The following APP variants were observed in gnomAD, a reference collection of about 807,000 sequenced individuals.
The protein encoded by APP is amyloid-beta precursor protein.
In APP, 31 loss-of-function variants were observed where a neutral mutation model predicts 101.4. The ratio of observed to expected loss-of-function variants is 0.31; its 90% CI spans 0.23 to 0.41. The LOEUF (loss-of-function observed/expected upper bound fraction) is 0.41. Ranked by LOEUF, APP falls within the 10% of genes least tolerant of loss-of-function variation. APP has a pLI of 1.00. For synonymous variants in APP, 366 were observed against 364.4 expected (o/e 1.00, Z -0.05); for missense variants, 839 against 1,003.7 (o/e 0.84, Z 2.22).
chr21:26,061,334 C>T (rs899766000), intron 3 of APP, among the ~76,000 whole-genome samples: 1 of 152,156 alleles, frequency 6.6e-6, no homozygotes, highest in Non-Finnish European at 1.5e-5. Flanking sequence ...AACTTGTATA[C>T]ACTAGATATG....
intron 2 of APP, among the ~76,000 whole-genome samples, chr21:26,098,013 G>C (rs574952203): frequency 6.7e-6 from 1 of 149,112 alleles, no homozygotes; most frequent in Non-Finnish European, 1.5e-5. Context: ...CTGGGAGGCG[G>C]AGCTTGCAGT....
chr21:26,073,264 G>A (rs191493129), intron 3 of APP, among the ~76,000 whole-genome samples: 1,643 of 149,924 alleles, frequency 0.011, 28 homozygotes, highest in African/African-American at 0.038. Flanking sequence ...TATTGCAAAA[G>A]GTGGCGCGGG....
chr21:26,052,420 T>C (rs1371381819), intron 4 of APP, among the ~76,000 whole-genome samples: 5 of 152,184 alleles, frequency 3.3e-5, no homozygotes, highest in African/African-American at 7.2e-5. Context: ...ATGAGCTAGA[T>C]AAAGGAGCCT....
At chr21:25,918,430 C>T (rs545757887) in intron 13 of APP, among the ~76,000 whole-genome samples, 27 of 152,178 alleles carry the variant, frequency 1.8e-4, no homozygotes, top group Admixed American at 8.6e-4. Context: ...GCGTGAGCGA[C>T]GCAGAAGACG....
intron 1 of APP, among the ~76,000 whole-genome samples, chr21:26,145,271 G>A (rs1384980103): frequency 1.3e-5 from 2 of 152,174 alleles, no homozygotes; most frequent in East Asian, 1.9e-4. Flanking sequence ...GACTGGTTTT[G>A]TGGAAGACCA....
Position 26,000,081 on chromosome 21 carries a change from C to A in APP, c.967G>T (p.Gly323Ter), listed in dbSNP as rs750513875. 1 of 1,614,162 alleles carries A rather than the reference C, an allele frequency of 6.2e-7. No homozygotes were observed. The highest frequency in any genetic ancestry group is 1.1e-5 in the South Asian group (1 of 91,082). ...EGKCAPFFYGGCGGNRNNFDT... is the reference protein window; with the variant it reads ...EGKCAPFFYG Reference sequence around the variant, plus strand: ...AAGTTGTTCCGGTTGCCGCCACATCCGCCGTAAAAGAATGGGGCACACTTC... The same window carrying A: ...AAGTTGTTCCGGTTGCCGCCACATCAGCCGTAAAAGAATGGGGCACACTTC... The change falls in exon 7 of 18, where the codon GGA (glycine) becomes TGA (stop). Residue 323 changes from glycine to a stop codon, truncating the protein, a stop_gained. Transcript: ENST00000346798. LOFTEE classifies it high-confidence loss of function.
intron 17 of APP, among the ~76,000 whole-genome samples, chr21:25,882,046 G>GT (rs1211566926): frequency 6.6e-6 from 1 of 152,100 alleles, no homozygotes; most frequent in Admixed American, 6.6e-5. Context: ...CAACTCCACA[G>GT]TAAGTGGATA....
At chr21:25,956,538 A>G (rs1482097780) in intron 11 of APP, among the ~76,000 whole-genome samples, 1 of 152,218 alleles carries the variant, frequency 6.6e-6, no homozygotes, top group African/African-American at 2.4e-5. Flanking sequence ...ATTTTGTAAG[A>G]TGATTTCCAA....
At chr21:26,072,772 T>C (rs1331734276) in intron 3 of APP, among the ~76,000 whole-genome samples, 1 of 152,208 alleles carries the variant, frequency 6.6e-6, no homozygotes, top group East Asian at 1.9e-4. Flanking sequence ...ATTAGTTCTC[T>C]GCATAAAATC....
chr21:26,106,461 G>T (rs574628417), intron 2 of APP, among the ~76,000 whole-genome samples: 2 of 152,188 alleles, frequency 1.3e-5, no homozygotes, highest in African/African-American at 2.4e-5. Context: ...CTCAGAAAAG[G>T]AGATGTTCCC....
intron 11 of APP, among the ~76,000 whole-genome samples, chr21:25,960,029 G>A (rs1412325909): frequency 6.6e-6 from 1 of 152,188 alleles, no homozygotes; most frequent in Non-Finnish European, 1.5e-5. Context: ...ACGAGATGCA[G>A]ATGAACTGGG....
chr21:26,096,334 G>A (rs770188342), intron 2 of APP, among the ~76,000 whole-genome samples: 3 of 152,124 alleles, frequency 2.0e-5, no homozygotes, highest in Non-Finnish European at 2.9e-5. Flanking sequence ...TAGCCTCCCC[G>A]TGGAGCCCCA....
intron 3 of APP, among the ~76,000 whole-genome samples, chr21:26,084,431 G>T (rs1285912629): frequency 1.3e-5 from 2 of 152,030 alleles, no homozygotes; most frequent in Admixed American, 6.6e-5. Flanking sequence ...GTAGAGACGG[G>T]GTTTCACCGT....
intron 3 of APP, among the ~76,000 whole-genome samples, chr21:26,075,238 C>T (rs1220333578): frequency 3.3e-5 from 5 of 152,144 alleles, no homozygotes; most frequent in Non-Finnish European, 7.3e-5. Context: ...GGGAATATTT[C>T]AGTGAATTGA....
At chr21:25,984,795 A>T (rs559188071) in intron 8 of APP, among the ~76,000 whole-genome samples, 1 of 151,454 alleles carries the variant, frequency 6.6e-6, no homozygotes. Flanking sequence ...ATTCTTTTGC[A>T]TAGTCCAATC....
In APP at chr21:26,017,830, T is replaced by C. The variant is rs146060257; in HGVS notation, c.865+4010A>G. Among the ~76,000 whole-genome samples the C allele has an allele frequency of 1.6e-3, 237 of 152,356 alleles. 2 individuals are homozygous for C. Among genetic ancestry groups the C allele is most frequent in the African/African-American group, 5.5e-3 (229 of 41,588 alleles). ...TAAATACACCACTGTTGTACTCAAA[T>C]CGGTAATGGCTTATTCCACTAGACC... is the stretch of plus-strand genomic sequence containing the variant. On this transcript the variant is annotated intron_variant, in intron 6 of 17. Transcript: ENST00000346798.
At position 25,912,237 on chromosome 21, in the gene APP, CGTGG is replaced by C. The variant is rs141019990; in HGVS notation, c.1688-279_1688-276del. Among the ~76,000 whole-genome samples, 908 of 152,334 alleles carry C rather than the reference CGTGG, an allele frequency of 6.0e-3. 15 individuals carry two copies. Among genetic ancestry groups the C allele is most frequent in the African/African-American group, 0.02 (849 of 41,582 alleles). On this transcript the variant is annotated intron_variant, in intron 13 of 17. Coordinates refer to ENST00000346798, the MANE Select transcript of APP (RefSeq NM_000484.4). ...ATGGCAGCCGGCCAATGTGCTGCAG[CGTGG>C]CACTGCTAGAGGTGAAAGGCCACAG...
intron 6 of APP, among the ~76,000 whole-genome samples, chr21:26,010,666 A>T (rs111528973): frequency 0.22 from 33,390 of 151,106 alleles, 3,769 homozygotes; most frequent in South Asian, 0.28. Context: ...AAAAAAAAAA[A>T]ATATATTAGC....
chr21:25,940,587 ATTT>A (rs1169943998), intron 13 of APP, among the ~76,000 whole-genome samples: 1 of 151,972 alleles, frequency 6.6e-6, no homozygotes, highest in Admixed American at 6.6e-5. Flanking sequence ...ATATGCATGC[ATTT>A]TTTTTCTATG....
Sources: allele counts gnomAD v4.1 joint callset (sites outside exome capture counted in the v4.1 genomes callset), GRCh38; gene constraint gnomAD v4.1.1; transcripts MANE v1.5; gene names NCBI Gene and HGNC (gene_info 2026-07-23, HGNC 2026-07-21).